SPTA1: variants seen among roughly 807,000 people sequenced by gnomAD.
SPTA1 encodes the protein spectrin alpha chain, erythrocytic 1.
In SPTA1, 177 loss-of-function variants were observed where a neutral mutation model predicts 324.7. The ratio of observed to expected loss-of-function variants is 0.55; its 90% CI spans 0.48 to 0.62. The LOEUF (loss-of-function observed/expected upper bound fraction) is 0.62, where lower values mean the gene tolerates loss of function less well. SPTA1 is among the 20% of genes least tolerant of loss of function. The probability of loss-of-function intolerance (pLI) is 0.00; values close to 1 mark genes in which losing one functional copy is unlikely to be tolerated. For synonymous variants in SPTA1, 1,195 were observed against 1,041.3 expected, an observed-to-expected ratio of 1.15 and a Z score of -2.84; for missense variants, 3,162 against 2,883.6, an observed-to-expected ratio of 1.10 and a Z score of -2.21.
intron 24 of SPTA1, 104 bp from the exon 25 acceptor site, chr1:158,650,051 A>G: frequency 2.4e-6 from 2 of 834,596 alleles, no homozygotes; most frequent in Non-Finnish European, 4.0e-6. Flanking sequence ...TTTTTACGTT[A>G]TTTTCTTCAG....
At chr1:158,622,038 G>A (rs993876426) in intron 43 of SPTA1, among the ~76,000 whole-genome samples, 1 of 152,112 alleles carries the variant, frequency 6.6e-6, no homozygotes, top group African/African-American at 2.4e-5. Context: ...CTAATTTTTT[G>A]TATTTTTAGT....
chr1:158,657,391 C>G, intron 19 of SPTA1, 86 bp downstream of exon 19: 1 of 1,355,732 alleles, frequency 7.4e-7, no homozygotes, highest in Non-Finnish European at 1.1e-6. Context: ...GAATCTGTAG[C>G]TGTCCCACAA....
chr1:158,686,172 A>G (rs760675066), intron 1 of SPTA1, among the ~76,000 whole-genome samples: 1 of 152,106 alleles, frequency 6.6e-6, no homozygotes, highest in African/African-American at 2.4e-5. Flanking sequence ...TATAATTGCT[A>G]CTCTGTGAAT....
chr1:158,668,374 G>T (rs1480965636), intron 14 of SPTA1, among the ~76,000 whole-genome samples: 1 of 152,070 alleles, frequency 6.6e-6, no homozygotes, highest in Non-Finnish European at 1.5e-5. Flanking sequence ...AAATTATCTT[G>T]CATTCCTCAC....
rs1487432603 is a variant in SPTA1 at position 158,685,264 on chromosome 1, T to C, written c.108A>G (p.Gln36=). 6.2e-7 allele frequency: 1 copy of C among 1,613,836 alleles called. No homozygotes were observed. Among genetic ancestry groups the C allele is most frequent in the Non-Finnish European group, 8.5e-7 (1 of 1,179,836 alleles). Residue 36 remains glutamine, a synonymous_variant, in exon 2 of 52, where the codon CAA becomes CAG. Coordinates refer to ENST00000643759, the MANE Select transcript of SPTA1 (RefSeq NM_003126.4). ...TCTCAGCGACCCGCTCCTTGAAACT[T>C]TGATACCGAGTCAACACTTCCTGAC... ...ERRQEVLTRY[Q]SFKERVAERG... is the part of the protein sequence containing the mutation.
chr1:158,615,539 G>A, intron 47 of SPTA1, 136 bp from the exon 48 acceptor site: 2 of 816,796 alleles, frequency 2.4e-6, no homozygotes, highest in Non-Finnish European at 3.9e-6. Flanking sequence ...GAACTACTTG[G>A]GAAAACCACT....
rs1357091732 is a variant in SPTA1 at position 158,671,324 on chromosome 1, A to C, written c.1599+19T>G. The C allele has an allele frequency of 2.4e-5, 39 of 1,603,578 alleles. No homozygotes were observed. Among genetic ancestry groups the C allele is most frequent in the Non-Finnish European group, 3.3e-5 (39 of 1,171,168 alleles). ...ATACAGAGAGGGAGCCAATGCCCAA[A>C]CTAGGGCCAATTTCTTACTATGATC... is the stretch of plus-strand genomic sequence containing the variant. On this transcript the variant is annotated intron_variant, in intron 12 of 51. Coordinates refer to ENST00000643759, the MANE Select transcript of SPTA1 (RefSeq NM_003126.4).
rs1483132195 is a variant in SPTA1, at chr1:158,681,652, G to T, written c.406C>A (p.Leu136Ile). The T allele has an allele frequency of 6.2e-7, 1 of 1,613,638 alleles. No homozygotes were observed. The highest frequency in any genetic ancestry group is 2.2e-5 in the East Asian group (1 of 44,836). The change falls in exon 4 of 52, where the codon CTA (leucine) becomes ATA (isoleucine). Residue 136 changes from leucine (L) to isoleucine (I), a missense_variant. Coordinates refer to ENST00000643759, the MANE Select transcript of SPTA1 (RefSeq NM_003126.4). ...AACAGCAGGTCCCACAGGTGGCGTA[G>T]CTCCTCTATATGGGCCTTTAGGAAA... ...HEETKAHIEE[L>I]RHLWDLLLEL...
At chr1:158,654,491 T>C in intron 21 of SPTA1, 120 bp downstream of exon 21, 1 of 1,379,550 alleles carries the variant, frequency 7.2e-7, no homozygotes, top group Non-Finnish European at 9.8e-7. Flanking sequence ...GTTATAGTTA[T>C]TCAAGAAATA....
chr1:158,620,463 C>T lies in SPTA1; in HGVS notation c.6124G>A (p.Glu2042Lys). ...TGTGCAAATTCCACGAACAGGTCCT[C>T]AGCCTGCAGAGAGAAAAAAAAGACA... ...LEKQLPLQKA[E>K]DLFVEFAHKA... Residue 2042 changes from glutamate (E) to lysine (K), a missense_variant, in exon 44 of 52, where the codon GAG becomes AAG. By Grantham distance (56) the Glu-to-Lys change is moderately conservative. Coordinates refer to ENST00000643759, the MANE Select transcript of SPTA1 (RefSeq NM_003126.4). 5 of 1,612,684 alleles carry T rather than the reference C, an allele frequency of 3.1e-6. No individual in the cohort carries two copies. The highest frequency in any genetic ancestry group is 3.4e-6 in the Non-Finnish European group (4 of 1,180,014).
In SPTA1 at chr1:158,683,407, T is replaced by C. The variant is rs776670391; in HGVS notation, c.354A>G (p.Arg118=). Residue 118 remains arginine (R), a synonymous_variant, in exon 3 of 52, where the codon CGA becomes CGG. Transcript: ENST00000643759. ...CGTGGGCAGAATGACCCATGGTAAA[T>C]CGTTCTTCCCTTGTTTTTTCCAGTT... is the stretch of plus-strand genomic sequence containing the variant. ...MSELEKTREE[R]FTMGHSAHEE... is the part of the protein sequence containing the mutation. 3 of 1,613,334 alleles carry C rather than the reference T, an allele frequency of 1.9e-6. No individual in the cohort carries two copies. In the Admixed American group the frequency reaches 5.0e-5, roughly 27 times the overall value.
At chr1:158,648,012 C>G (rs1018149346) in intron 26 of SPTA1, among the ~76,000 whole-genome samples, 2 of 152,122 alleles carry the variant, frequency 1.3e-5, no homozygotes, top group Non-Finnish European at 2.9e-5. Flanking sequence ...GGTCTTGATT[C>G]TTCATGTGAG....
In SPTA1 at chr1:158,613,717, C is replaced by T; in HGVS notation, c.6989+4G>A. The T allele has an allele frequency of 6.2e-6, 10 of 1,613,710 alleles. No individual in the cohort carries two copies. The highest frequency in any genetic ancestry group is 6.8e-6 in the Non-Finnish European group (8 of 1,179,748). The stretch of plus-strand genomic sequence containing the variant: ...TGCGGTCTGACCCTTAGTCTTGTTC[C>T]TACCTCCCTGGATCCACAGCATCCA... On this transcript the variant is annotated splice_donor_region_variant and intron_variant, in intron 50 of 51. Coordinates refer to ENST00000643759, the MANE Select transcript of SPTA1 (RefSeq NM_003126.4).
chr1:158,656,428 T>A lies in SPTA1; in HGVS notation c.2898+136A>T, dbSNP rs191428827. 32 of 807,310 alleles carry A rather than the reference T, an allele frequency of 4.0e-5. No individual in the cohort carries two copies. In the East Asian group the frequency reaches 7.4e-4, roughly 19 times the overall value. The allele number at this position is 807,310 out of a possible 1,614,324, so 50.0% of individuals were successfully genotyped here. On this transcript the variant is annotated intron_variant, in intron 20 of 51. Transcript: ENST00000643759. Reference sequence around the variant, plus strand: ...AATTGTGGATGCTACAGTTCCTGCATACAAGGGTCATAGAACTTAGTGTTT... The same window carrying A: ...AATTGTGGATGCTACAGTTCCTGCAAACAAGGGTCATAGAACTTAGTGTTT...
At chr1:158,657,347 G>T (rs1001286508) in intron 19 of SPTA1, 130 bp downstream of exon 19, 2 of 925,558 alleles carry the variant, frequency 2.2e-6, no homozygotes, top group East Asian at 2.4e-5. Context: ...GAAGGCCAAC[G>T]GCGACCACTC....
chr1:158,685,029 C>T, intron 2 of SPTA1, 79 bp downstream of exon 2: 1 of 1,562,760 alleles, frequency 6.4e-7, no homozygotes, highest in Admixed American at 1.7e-5. Flanking sequence ...TACCCATTAA[C>T]ATTAACATAA....
chr1:158,663,800 C>T (rs954198912), intron 16 of SPTA1, among the ~76,000 whole-genome samples: 1 of 152,014 alleles, frequency 6.6e-6, no homozygotes, highest in African/African-American at 2.4e-5. Context: ...ACTACCATGG[C>T]ATATGTATGC....
chr1:158,617,996 A>G (rs1055306718), intron 46 of SPTA1, 43 bp downstream of exon 46: 4 of 1,576,480 alleles, frequency 2.5e-6, no homozygotes, highest in Non-Finnish European at 3.5e-6. Context: ...TTCTTCCATA[A>G]TAATATAATA....
Position 158,661,346 on chromosome 1 carries a change from G to T in SPTA1, c.2528C>A (p.Ala843Asp), listed in dbSNP as rs369695627. 4 of 1,613,704 alleles carry T rather than the reference G, an allele frequency of 2.5e-6. No homozygotes were observed. The Admixed American group carries it at 6.7e-5, about 27-fold the overall frequency. ...NRHRVILENI[A>D]SHEPRIQEIT... is the part of the protein sequence containing the mutation. The stretch of plus-strand genomic sequence containing the variant: ...CTCTTGAATGCGTGGTTCATGGCTG[G>T]CAATGTTCTCCAGGATGACTCTATG... The change falls in exon 18 of 52, where the codon GCC (alanine) becomes GAC (aspartate). Residue 843 changes from alanine (A) to aspartate (D), a missense_variant. Physicochemically the swap from Ala to Asp is moderately radical, Grantham distance 126 (BLOSUM62 -2). Transcript: ENST00000643759.
Sources: gnomAD v4.1 joint callset for allele counts (sites outside exome capture counted in the v4.1 genomes callset) on GRCh38, gnomAD v4.1.1 for gene constraint, MANE v1.5 for transcripts, NCBI Gene and HGNC (gene_info 2026-07-23, HGNC 2026-07-21) for gene names.